TRIM14: variants seen among roughly 807,000 people sequenced by gnomAD.
TRIM14 encodes tripartite motif containing 14.
A neutral mutation model predicts 44.5 loss-of-function variants in TRIM14; 28 were observed. The ratio of observed to expected loss-of-function variants is 0.63; its 90% CI spans 0.47 to 0.86. TRIM14 has a LOEUF of 0.86. Among genes scored for constraint, TRIM14 ranks in the 40% least tolerant of loss-of-function variants. TRIM14 has a pLI of 0.00. For synonymous variants in TRIM14, 299 were observed against 269.2 expected (o/e 1.11, Z -1.08); for missense variants, 607 against 611.1 (o/e 0.99, Z 0.07).
chr9:98,097,025 C>G (rs2118388001), intron 3 of TRIM14, among the ~76,000 whole-genome samples: 1 of 152,224 alleles, frequency 6.6e-6, no homozygotes, highest in South Asian at 2.1e-4. Context: ...GAAACACTGT[C>G]TCTACTAAAA....
At chr9:98,099,310 C>G (rs1184624168) in intron 3 of TRIM14, among the ~76,000 whole-genome samples, 2 of 151,800 alleles carry the variant, frequency 1.3e-5, no homozygotes, top group Admixed American at 6.6e-5. Flanking sequence ...AAATTAGCCA[C>G]GCATGGTGGC....
intron 5 of TRIM14, among the ~76,000 whole-genome samples, chr9:98,089,532 G>A (rs540229940): frequency 6.6e-6 from 1 of 152,128 alleles, no homozygotes; most frequent in Non-Finnish European, 1.5e-5. Context: ...TCACCAGATA[G>A]TCCCTACAGG....
At chr9:98,042,173 G>C in the TRIM14 span, among the ~76,000 whole-genome samples, 1 of 150,532 alleles carries the variant, frequency 6.6e-6, no homozygotes, top group Non-Finnish European at 1.5e-5. Flanking sequence ...GGAGCCTCTA[G>C]TCCCAGCTAC....
chr9:98,057,376 G>A, the TRIM14 span, among the ~76,000 whole-genome samples: 1 of 152,140 alleles, frequency 6.6e-6, no homozygotes, highest in African/African-American at 2.4e-5. Flanking sequence ...TTTCAGGAAT[G>A]ACAGTTCCTG....
chr9:98,071,013 A>G (rs529034559), intron 6 of TRIM14, among the ~76,000 whole-genome samples: 4 of 150,546 alleles, frequency 2.7e-5, no homozygotes, highest in Non-Finnish European at 5.9e-5. Flanking sequence ...GGGTCTCCCT[A>G]TGTTGCCCAG....
chr9:98,092,699 C>A (rs953136743), intron 4 of TRIM14, among the ~76,000 whole-genome samples: 5 of 152,276 alleles, frequency 3.3e-5, no homozygotes. Flanking sequence ...GTAGCCTGCA[C>A]TTGTGCCAAT....
At chr9:98,080,790 G>GTTAT (rs764300053), downstream of TRIM14, 56 of 1,548,970 alleles carry the variant, frequency 3.6e-5, no homozygotes, top group Non-Finnish European at 4.9e-5. Context: ...GATATTTAAT[G>GTTAT]TTATTTTTCT....
chr9:98,074,742 T>A (rs1468005526), intron 6 of TRIM14: 5 of 152,150 alleles, frequency 3.3e-5, no homozygotes, highest in Admixed American at 3.3e-4. Context: ...CCCCGATCGC[T>A]CTGCCCCTCT....
the TRIM14 span, chr9:98,056,735 G>A: frequency 1.7e-5 from 26 of 1,553,754 alleles, no homozygotes; most frequent in African/African-American, 2.8e-5. Flanking sequence ...GTTGCTCACA[G>A]AACAGAGTAG....
At position 98,119,062 on chromosome 9, in the gene TRIM14, C is replaced by G. The variant is rs771643597; in HGVS notation, c.127G>C (p.Val43Leu). The G allele has an allele frequency of 3.0e-5, 48 of 1,581,268 alleles. No individual in the cohort carries two copies. The highest frequency in any genetic ancestry group is 1.2e-5 in the Non-Finnish European group (14 of 1,173,644). Residue 43 changes from valine (V) to leucine (L), a missense_variant, in exon 1 of 6, where the codon GTG becomes CTG. Physicochemically the swap from Val to Leu is conservative, Grantham distance 32. Transcript: ENST00000341469. ...ELFCRRCRRCVCALCPVLGAH... is the reference protein window; with the variant it reads ...ELFCRRCRRCLCALCPVLGAH... The stretch of plus-strand genomic sequence containing the variant: ...CCCAGCACCGGGCAAAGCGCGCACA[C>G]GCAGCGGCGGCAGCGGCGACAGAAG...
At chr9:98,082,737 C>T, downstream of TRIM14, 1 of 1,015,138 alleles carries the variant, frequency 9.9e-7, no homozygotes, top group Non-Finnish European at 1.5e-6. Context: ...AGTGCCTGCT[C>T]CCAAGGTACT....
intron 1 of TRIM14, among the ~76,000 whole-genome samples, chr9:98,110,663 C>G (rs1826813081): frequency 6.6e-6 from 1 of 152,044 alleles, no homozygotes; most frequent in African/African-American, 2.4e-5. Context: ...GTTCTCACTC[C>G]CCACAGGGAG....
downstream of TRIM14, chr9:98,083,000 A>G (rs1209531500): frequency 6.2e-7 from 1 of 1,614,214 alleles, no homozygotes; most frequent in African/African-American, 1.3e-5. Context: ...GTTGAAGAGG[A>G]TGACACCATC....
the TRIM14 span, among the ~76,000 whole-genome samples, chr9:98,038,876 C>T: frequency 6.6e-6 from 1 of 151,928 alleles, no homozygotes; most frequent in Non-Finnish European, 1.5e-5. Flanking sequence ...TAGTGAAACC[C>T]CGCCTCTACT....
At chr9:98,100,751 G>T (rs756352663) in intron 2 of TRIM14, among the ~76,000 whole-genome samples, 14 of 152,218 alleles carry the variant, frequency 9.2e-5, no homozygotes, top group Middle Eastern at 3.4e-3. Context: ...ATATGGAAAT[G>T]TATGTATGTG....
At chr9:98,044,085 T>C in the TRIM14 span, among the ~76,000 whole-genome samples, 1 of 151,460 alleles carries the variant, frequency 6.6e-6, no homozygotes, top group African/African-American at 2.4e-5. Flanking sequence ...AAGTGTGTGC[T>C]GCTTGAGGGC....
chr9:98,088,838 C>T (rs1013626785), intron 5 of TRIM14, among the ~76,000 whole-genome samples: 6 of 152,132 alleles, frequency 3.9e-5, no homozygotes, highest in Non-Finnish European at 8.8e-5. Flanking sequence ...AAACTATCCT[C>T]CCCAAAGTTT....
chr9:98,077,039 T>C, intron 6 of TRIM14: 1 of 1,569,976 alleles, frequency 6.4e-7, no homozygotes, highest in Non-Finnish European at 8.7e-7. Context: ...ATTTTTGACT[T>C]AAAATCGAAG....
intron 2 of TRIM14, among the ~76,000 whole-genome samples, chr9:98,104,496 T>C (rs1490981182): frequency 6.6e-6 from 1 of 151,808 alleles, no homozygotes; most frequent in Non-Finnish European, 1.5e-5. Flanking sequence ...CAGATGAGGC[T>C]GATTATGCAA....
Sources: gnomAD v4.1 joint callset for allele counts (sites outside exome capture counted in the v4.1 genomes callset) on GRCh38, gnomAD v4.1.1 for gene constraint, MANE v1.5 for transcripts, NCBI Gene and HGNC (gene_info 2026-07-23, HGNC 2026-07-21) for gene names.